The following RNGTT variants were observed in gnomAD, a reference collection of about 807,000 sequenced individuals.
RNGTT encodes RNA guanylyltransferase and 5'-phosphatase, also known as mRNA-capping enzyme.
A neutral mutation model predicts 79.3 loss-of-function variants in RNGTT; 33 were observed. The observed-to-expected ratio is 0.42, with a 90% confidence interval of 0.32 to 0.56. The LOEUF is 0.56. Ranked by LOEUF, RNGTT falls within the 20% of genes least tolerant of loss-of-function variation. RNGTT has a pLI of 0.17. For synonymous variants in RNGTT, 222 were observed against 235.9 expected, an observed-to-expected ratio of 0.94 and a Z score of 0.54; for missense variants, 497 against 739.1, an observed-to-expected ratio of 0.67 and a Z score of 3.80.
intron 4 of RNGTT, among the ~76,000 whole-genome samples, chr6:88,906,666 T>C (rs1783663783): frequency 6.6e-6 from 1 of 152,214 alleles, no homozygotes; most frequent in Non-Finnish European, 1.5e-5. Flanking sequence ...TATAGGTTTA[T>C]TGATGTAAAA....
At chr6:88,922,547 A>T (rs1784196012) in intron 4 of RNGTT, among the ~76,000 whole-genome samples, 1 of 151,556 alleles carries the variant, frequency 6.6e-6, no homozygotes, top group Admixed American at 6.6e-5. Context: ...TTTTTTTTTG[A>T]GATGGAGTCT....
intron 13 of RNGTT, among the ~76,000 whole-genome samples, chr6:88,704,222 T>C (rs1022202756): frequency 5.7e-5 from 7 of 123,446 alleles, no homozygotes; most frequent in African/African-American, 2.1e-4. Flanking sequence ...ATAGCACCAC[T>C]GCACTTTACC....
At chr6:88,851,839 C>T (rs1781684057) in intron 9 of RNGTT, among the ~76,000 whole-genome samples, 1 of 151,552 alleles carries the variant, frequency 6.6e-6, no homozygotes, top group African/African-American at 2.4e-5. Context: ...AGTAAATTGA[C>T]ATCATGAATC....
At chr6:88,832,631 A>T (rs1478136737) in intron 11 of RNGTT, among the ~76,000 whole-genome samples, 8 of 152,240 alleles carry the variant, frequency 5.3e-5, no homozygotes. Flanking sequence ...AGAAATTATC[A>T]TCAGAATGAA....
intron 13 of RNGTT, among the ~76,000 whole-genome samples, chr6:88,745,057 G>C (rs1777618936): frequency 6.6e-6 from 1 of 152,128 alleles, no homozygotes; most frequent in African/African-American, 2.4e-5. Flanking sequence ...TTGCACGCAG[G>C]ATCTGCTAAT....
intron 1 of RNGTT, among the ~76,000 whole-genome samples, chr6:88,954,164 A>C (rs1227805439): frequency 6.6e-6 from 1 of 152,184 alleles, no homozygotes; most frequent in Non-Finnish European, 1.5e-5. Flanking sequence ...AAATGGCCCA[A>C]ATGCTCCTTT....
Position 88,767,973 on chromosome 6 carries a change from C to CTG in RNGTT, c.1439+1799_1439+1800dup, listed in dbSNP as rs575981149. 1.5e-4 allele frequency among the ~76,000 whole-genome samples: 23 copies of CTG among 152,168 alleles called. No homozygotes were observed. The South Asian group carries it at 4.8e-3, about 32-fold the overall frequency. ...TTTGAAACTATCCTGAAAGTCATTC[C>CTG]TGTGTGTGTATTCCAGCTATTCCTA... is the stretch of plus-strand genomic sequence containing the variant. On this transcript the variant is annotated intron_variant, in intron 13 of 15. Coordinates refer to ENST00000369485, the MANE Select transcript of RNGTT (RefSeq NM_003800.5).
chr6:88,898,925 A>T (rs1431229347), intron 6 of RNGTT, among the ~76,000 whole-genome samples: 1 of 151,400 alleles, frequency 6.6e-6, no homozygotes, highest in South Asian at 2.1e-4. Flanking sequence ...AAATAAGTAA[A>T]TAGGGAAAAA....
chr6:88,663,264 T>C (rs1376825850), intron 14 of RNGTT, among the ~76,000 whole-genome samples: 2 of 152,174 alleles, frequency 1.3e-5, no homozygotes, highest in African/African-American at 2.4e-5. Flanking sequence ...ATGGGGACTA[T>C]GGAATTGCTA....
At chr6:88,765,673 A>G (rs944555408) in intron 13 of RNGTT, among the ~76,000 whole-genome samples, 3 of 152,204 alleles carry the variant, frequency 2.0e-5, no homozygotes, top group African/African-American at 7.2e-5. Flanking sequence ...ACAAGACCAC[A>G]CAGCAAATAA....
intron 13 of RNGTT, among the ~76,000 whole-genome samples, chr6:88,730,278 T>C (rs1562221884): frequency 6.6e-6 from 1 of 152,222 alleles, no homozygotes; most frequent in Non-Finnish European, 1.5e-5. Context: ...TCCCATTACC[T>C]GCTCTGTAAT....
chr6:88,936,380 T>C (rs1784666153), intron 2 of RNGTT, among the ~76,000 whole-genome samples: 1 of 152,244 alleles, frequency 6.6e-6, no homozygotes, highest in African/African-American at 2.4e-5. Context: ...CTTTTATTTC[T>C]TTCTCTTGCC....
chr6:88,749,267 A>T (rs1474659576), intron 13 of RNGTT, among the ~76,000 whole-genome samples: 6 of 152,158 alleles, frequency 3.9e-5, no homozygotes, highest in Non-Finnish European at 7.4e-5. Context: ...AAAGCAATCA[A>T]ATATTGACTG....
At chr6:88,704,271 A>AAAAAAAC (rs1776052077) in intron 13 of RNGTT, among the ~76,000 whole-genome samples, 1 of 147,232 alleles carries the variant, frequency 6.8e-6, no homozygotes, top group African/African-American at 2.6e-5. Flanking sequence ...AAAAAAAAAA[A>AAAAAAAC]AAAAAAAAAA....
intron 14 of RNGTT, among the ~76,000 whole-genome samples, chr6:88,667,855 T>C (rs1774476926): frequency 6.6e-6 from 1 of 151,938 alleles, no homozygotes; most frequent in Non-Finnish European, 1.5e-5. Flanking sequence ...AGAAACAGGA[T>C]TAGGCTTAGG....
intron 10 of RNGTT, among the ~76,000 whole-genome samples, chr6:88,846,997 A>C (rs1028711314): frequency 6.6e-5 from 10 of 152,088 alleles, no homozygotes; most frequent in African/African-American, 2.4e-4. Context: ...ATATTTCATC[A>C]ATAGTCTGCA....
chr6:88,687,552 A>G (rs988265087), intron 13 of RNGTT, among the ~76,000 whole-genome samples: 6 of 152,234 alleles, frequency 3.9e-5, no homozygotes, highest in Non-Finnish European at 5.9e-5. Flanking sequence ...GAGTGGTTAA[A>G]TAAGCTACGG....
intron 11 of RNGTT, among the ~76,000 whole-genome samples, chr6:88,834,262 T>C (rs1055431526): frequency 3.3e-5 from 5 of 152,222 alleles, no homozygotes; most frequent in African/African-American, 1.2e-4. Context: ...AGAAGTTATC[T>C]GGGACAATAA....
intron 4 of RNGTT, among the ~76,000 whole-genome samples, chr6:88,919,455 A>G (rs147791448): frequency 7.2e-5 from 11 of 152,284 alleles, no homozygotes; most frequent in Non-Finnish European, 1.3e-4. Flanking sequence ...GTGACAATGT[A>G]TCTTTTTAAA....
Sources: gnomAD v4.1 joint callset for allele counts (sites outside exome capture counted in the v4.1 genomes callset) on GRCh38, gnomAD v4.1.1 for gene constraint, MANE v1.5 for transcripts, NCBI Gene and HGNC (gene_info 2026-07-23, HGNC 2026-07-21) for gene names.